Variants in MYH8 observed in about 807,000 individuals in gnomAD.
MYH8 encodes myosin heavy chain 8, also known as myosin-8.
Under a neutral mutation model 233.2 loss-of-function variants are expected in MYH8, and 168 were observed. That is an observed-to-expected ratio of 0.72 (90% CI 0.64 to 0.82). MYH8 has a LOEUF of 0.82. Among genes scored for constraint, MYH8 ranks in the 40% least tolerant of loss-of-function variants. The pLI, the probability that MYH8 is intolerant of heterozygous loss-of-function variation, is 0.00. For missense variants in MYH8, 1,995 were observed against 2,327.8 expected, an observed-to-expected ratio of 0.86 and a Z score of 2.94; for synonymous variants, 785 against 850.6, an observed-to-expected ratio of 0.92 and a Z score of 1.34.
At position 10,415,962 on chromosome 17, in the gene MYH8, T is replaced by C. The variant is rs574627567; in HGVS notation, c.512-254A>G. Among the ~76,000 whole-genome samples the C allele has an allele frequency of 6.6e-6, 1 of 152,304 alleles. No homozygotes were observed. Among genetic ancestry groups the C allele is most frequent in the South Asian group, 2.1e-4 (1 of 4,830 alleles). On this transcript the variant is annotated intron_variant, in intron 5 of 39. Transcript: ENST00000403437. The surrounding 1 kb of genome is among the most constrained non-coding windows in gnomAD (Gnocchi z 4.1). ...GCGATGAGATACACATAACATAAAA[T>C]TTACCATCTTAACCATTTTTAAGTG...
chr17:10,411,799 C>G (rs143203805), intron 14 of MYH8, among the ~76,000 whole-genome samples: 333 of 152,176 alleles, frequency 2.2e-3, no homozygotes, highest in Non-Finnish European at 3.7e-3. Flanking sequence ...AAAGCAGGGA[C>G]CTGATATAGT....
At chr17:10,416,763 C>G (rs28483876) in intron 5 of MYH8, among the ~76,000 whole-genome samples, 1 of 152,116 alleles carries the variant, frequency 6.6e-6, no homozygotes, top group Non-Finnish European at 1.5e-5. Context: ...CATACAGATG[C>G]AATGGTTATT....
rs573905999 is a variant in MYH8, at chr17:10,403,352, T to G, written c.2688+978A>C. The stretch of plus-strand genomic sequence containing the variant: ...TAAAAATCAATCCAGTCTAATTTAT[T>G]AGGTTACCTTGGCCTGGGGAATATT... On this transcript the variant is annotated intron_variant, in intron 22 of 39. Transcript: ENST00000403437. 6.6e-5 allele frequency among the ~76,000 whole-genome samples: 10 copies of G among 152,332 alleles called. No homozygotes were observed. In the East Asian group the frequency reaches 1.9e-3, roughly 29 times the overall value.
In MYH8 at chr17:10,393,159, G is replaced by C. The variant is rs769699528; in HGVS notation, c.5218C>G (p.Leu1740Val). ...KKKLENDVSQLQSEVEEVIQE... is the reference protein window; with the variant it reads ...KKKLENDVSQVQSEVEEVIQE... The stretch of plus-strand genomic sequence containing the variant: ...ATTACTTCTTCCACTTCACTTTGGA[G>C]TTGGGAAACGTCATTTTCTAATTTC... The change falls in exon 36 of 40, where the codon CTC becomes GTC. Residue 1740 changes from leucine (L) to valine (V), a missense_variant. Coordinates refer to ENST00000403437, the MANE Select transcript of MYH8 (RefSeq NM_002472.3). The C allele has an allele frequency of 6.2e-7, 1 of 1,614,048 alleles. No individual in the cohort carries two copies. Among genetic ancestry groups the C allele is most frequent in the Non-Finnish European group, 8.5e-7 (1 of 1,180,052 alleles).
intron 39 of MYH8, 25 bp from the exon 40 acceptor site, chr17:10,390,628 G>A: frequency 6.2e-7 from 1 of 1,612,212 alleles, no homozygotes. Context: ...AAAATTGTGA[G>A]AATTAGACTG....
In MYH8 at chr17:10,406,349, G is replaced by T; in HGVS notation, c.2220C>A (p.Asp740Glu). The change falls in exon 20 of 40, where the codon GAC becomes GAA. Residue 740 changes from aspartate to glutamate, a missense_variant. Around this residue, in one of 3 missense-constraint regions of MYH8, gnomAD observed 1,498 missense variants for 1,680.9 expected, o/e 0.89. Coordinates refer to ENST00000403437, the MANE Select transcript of MYH8 (RefSeq NM_002472.3). ...GAAGTTTCTCAGAAGCCTTCTTGCT[G>T]TCAATGAACTGTCCCTCTGGAATAG... ...ASAIPEGQFI[D>E]SKKASEKLLA... 1 of 1,613,884 alleles carries T rather than the reference G, an allele frequency of 6.2e-7. No homozygotes were observed. The highest frequency in any genetic ancestry group is 1.1e-5 in the South Asian group (1 of 91,068).
At chr17:10,412,976 G>A (rs2142186871) in intron 12 of MYH8, among the ~76,000 whole-genome samples, 1 of 152,280 alleles carries the variant, frequency 6.6e-6, no homozygotes, top group East Asian at 1.9e-4. Context: ...AACATATGTA[G>A]TATTTATTGC....
rs375076689 is a variant in MYH8 at position 10,409,473 on chromosome 17, T to C, written c.1703A>G (p.Lys568Arg). The change falls in exon 16 of 40, where the codon AAG (lysine) becomes AGG (arginine). Residue 568 changes from lysine (K) to arginine (R), a missense_variant. This residue lies in a region of MYH8 where 1,498 missense variants were observed against 1,680.9 expected (regional missense o/e 0.89). Coordinates refer to ENST00000403437, the MANE Select transcript of MYH8 (RefSeq NM_002472.3). ...AGCCTTGCCTTTGACCACCTTGGGC[T>C]TCTGGAAGTTGGCAGACTTGCCCAG... ...QHLGKSANFQ[K>R]PKVVKGKAEA... 1 of 1,614,218 alleles carries C rather than the reference T, an allele frequency of 6.2e-7. No homozygotes were observed. The highest frequency in any genetic ancestry group is 8.5e-7 in the Non-Finnish European group (1 of 1,180,032).
Position 10,392,722 on chromosome 17 carries a change from G to T in MYH8, c.5464-76C>A. The T allele has an allele frequency of 4.3e-6, 7 of 1,611,754 alleles. No homozygotes were observed. In the South Asian group the frequency reaches 7.7e-5, roughly 18 times the overall value. On this transcript the variant is annotated intron_variant, in intron 37 of 39. Coordinates refer to ENST00000403437, the MANE Select transcript of MYH8 (RefSeq NM_002472.3). ...GCCCAAGACCTACTGAAGGCATGGG[G>T]TGGGTGTTCCCAGCCCCAGGACAGG...
intron 15 of MYH8, among the ~76,000 whole-genome samples, chr17:10,410,284 C>T (rs1018219732): frequency 8.5e-5 from 13 of 152,126 alleles, no homozygotes; most frequent in African/African-American, 3.1e-4. Flanking sequence ...GCCTGGGCGA[C>T]AGAGTGAGGC....
In MYH8 at chr17:10,390,352, T is replaced by A. The variant is rs981893003; in HGVS notation, c.*102A>T. 6.8e-7 allele frequency: 1 copy of A among 1,468,888 alleles called. No homozygotes were observed. Among genetic ancestry groups the A allele is most frequent in the African/African-American group, 1.4e-5 (1 of 71,756 alleles). The allele number at this position is 1,468,888 out of a possible 1,614,324, so 91.0% of individuals were successfully genotyped here. On this transcript the variant is annotated 3_prime_UTR_variant, in exon 40 of 40. Transcript: ENST00000403437. The stretch of plus-strand genomic sequence containing the variant: ...TGTATACATTTACTGTAGTTTTTAT[T>A]TATTCAGCTTTAACAGGAAAATAAA...
At chr17:10,392,152 G>A (rs2072031984) in intron 38 of MYH8, among the ~76,000 whole-genome samples, 175 bp from the exon 39 acceptor site, 1 of 152,188 alleles carries the variant, frequency 6.6e-6, no homozygotes, top group African/African-American at 2.4e-5. Flanking sequence ...CCACTGTGCA[G>A]GTACTGTATT....
rs2072037520 is a variant in MYH8, at chr17:10,392,648, T to C, written c.5464-2A>G. 2 of 1,614,110 alleles carry C rather than the reference T, an allele frequency of 1.2e-6. No homozygotes were observed. The highest frequency in any genetic ancestry group is 1.7e-6 in the Non-Finnish European group (2 of 1,179,980). On this transcript the variant is annotated splice_acceptor_variant, in intron 37 of 39. Transcript: ENST00000403437. LOFTEE classifies it high-confidence loss of function. ...AACCTCTCCTTCAAGCTCACGTACC[T>C]GCAGCCAAGAAAAATACTTACGCAG...
In MYH8 at chr17:10,415,535, G is replaced by T. The variant is rs1355934976; in HGVS notation, c.585C>A (p.Ile195=). 1 of 1,614,210 alleles carries T rather than the reference G, an allele frequency of 6.2e-7. No homozygotes were observed. The highest frequency in any genetic ancestry group is 8.5e-7 in the Non-Finnish European group (1 of 1,180,044). Residue 195 remains isoleucine, a synonymous_variant, in exon 7 of 40, where the codon ATC becomes ATA. Transcript: ENST00000403437. This position sits in a 1 kb window ranked among gnomAD's most constrained non-coding sequence, Gnocchi z 4.1. Reference sequence around the variant, plus strand: ...TAACTGCAATTGTTGCAAAGTATTGGATGACACGCTTGGTGTTCACAGTCT... The same window carrying T: ...TAACTGCAATTGTTGCAAAGTATTGTATGACACGCTTGGTGTTCACAGTCT... ...AGKTVNTKRV[I]QYFATIAVTG...
intron 22 of MYH8, among the ~76,000 whole-genome samples, chr17:10,403,133 AACAGT>A (rs2072158395): frequency 6.6e-6 from 1 of 152,218 alleles, no homozygotes; most frequent in Non-Finnish European, 1.5e-5. Context: ...AAATAGAATG[AACAGT>A]GATATGTTAT....
chr17:10,406,524 A>C (rs2072195427), intron 19 of MYH8, 127 bp from the exon 20 acceptor site: 2 of 1,436,938 alleles, frequency 1.4e-6, no homozygotes, highest in Admixed American at 1.7e-5. Context: ...ACTGCCGTTT[A>C]AGGACAGATA....
chr17:10,406,339 CCTTCTTGCTGTCAATGAA>C lies in MYH8; in HGVS notation c.2212_2229del (p.Phe738_Lys743del). ...ATAGATGCAAGAAGTTTCTCAGAAG[CCTTCTTGCTGTCAATGAA>C]CTGTCCCTCTGGAATAGCACTTGCA... is the stretch of plus-strand genomic sequence containing the variant. On this transcript the variant is annotated inframe_deletion, in exon 20 of 40. Coordinates refer to ENST00000403437, the MANE Select transcript of MYH8 (RefSeq NM_002472.3). 1 of 1,613,222 alleles carries C rather than the reference CCTTCTTGCTGTCAATGAA, an allele frequency of 6.2e-7. No homozygotes were observed. The highest frequency in any genetic ancestry group is 8.5e-7 in the Non-Finnish European group (1 of 1,179,246).
chr17:10,393,403 C>G (rs150763013), intron 35 of MYH8, among the ~76,000 whole-genome samples, 193 bp from the exon 36 acceptor site: 1 of 152,284 alleles, frequency 6.6e-6, no homozygotes, highest in East Asian at 1.9e-4. Context: ...CAGTGTCCAC[C>G]TGATTTATGC....
At chr17:10,408,850 A>C (rs529796823) in intron 17 of MYH8, among the ~76,000 whole-genome samples, 1 of 152,326 alleles carries the variant, frequency 6.6e-6, no homozygotes, top group South Asian at 2.1e-4. Flanking sequence ...AATCAGCCTC[A>C]TTATATAATG....
Sources: allele counts gnomAD v4.1 joint callset (sites outside exome capture counted in the v4.1 genomes callset), GRCh38; gene constraint gnomAD v4.1.1; regional missense constraint gnomAD v4.1.1; non-coding constraint Gnocchi (gnomAD v3.1); transcripts MANE v1.5; gene names NCBI Gene and HGNC (gene_info 2026-07-23, HGNC 2026-07-21).